The following EPB41L4B variants were observed in gnomAD, a reference collection of about 807,000 sequenced individuals.
EPB41L4B encodes the protein erythrocyte membrane protein band 4.1 like 4B.
In EPB41L4B, 30 loss-of-function variants were observed where a neutral mutation model predicts 112.5. That is an observed-to-expected ratio of 0.27 (90% CI 0.20 to 0.36). EPB41L4B has a LOEUF of 0.36. Ranked by LOEUF, EPB41L4B falls within the 10% of genes least tolerant of loss-of-function variation. EPB41L4B has a pLI of 1.00. For missense variants in EPB41L4B, 1,024 were observed against 1,133.3 expected, an observed-to-expected ratio of 0.90 and a Z score of 1.38; for synonymous variants, 408 against 439.7, an observed-to-expected ratio of 0.93 and a Z score of 0.90.
At chr9:109,201,508 G>A (rs979418551) in intron 19 of EPB41L4B, among the ~76,000 whole-genome samples, 1 of 149,468 alleles carries the variant, frequency 6.7e-6, no homozygotes, top group Non-Finnish European at 1.5e-5. Context: ...TGAGAAAATA[G>A]AGGATTTGAG....
chr9:109,216,659 AAAAG>A (rs1201498071), intron 16 of EPB41L4B, among the ~76,000 whole-genome samples: 7 of 151,506 alleles, frequency 4.6e-5, no homozygotes, highest in Non-Finnish European at 8.8e-5. Context: ...AAAAAAAAAA[AAAAG>A]AAAAGAAAAA....
chr9:109,290,728 TAC>T (rs1039340336), intron 1 of EPB41L4B, among the ~76,000 whole-genome samples: 4 of 137,108 alleles, frequency 2.9e-5, no homozygotes, highest in East Asian at 2.0e-4. Context: ...TATATATATA[TAC>T]ACACACACAC....
intron 15 of EPB41L4B, among the ~76,000 whole-genome samples, chr9:109,226,814 C>CATATATATATGAAGA (rs1554750252): frequency 4.2e-5 from 6 of 144,438 alleles, no homozygotes; most frequent in Admixed American, 2.8e-4. Context: ...ATATGAAGAA[C>CATATATATATGAAGA]ATATATATAT....
Position 109,235,390 on chromosome 9 carries a change from CTTTTTTTTTT to C in EPB41L4B, c.1409+8218_1409+8227del, listed in dbSNP as rs758330838. 8.0e-5 allele frequency among the ~76,000 whole-genome samples: 7 copies of C among 87,252 alleles called. No homozygotes were observed. The East Asian group carries it at 2.6e-3, about 32-fold the overall frequency. The allele number at this position is 87,252 out of a possible 152,430, so 57.2% of individuals were successfully genotyped here. A position where few individuals can be genotyped will look rare whatever the true frequency, so the allele number is the denominator to read the frequency against. On this transcript the variant is annotated intron_variant, in intron 15 of 25. Transcript: ENST00000374566. ...TAGAAATACCATTTCTTCAGCTAGA[CTTTTTTTTTT>C]TTTTTTTTTTTTTTAGATAGAGTCT...
chr9:109,288,615 C>T (rs1040707431), intron 1 of EPB41L4B, among the ~76,000 whole-genome samples: 1 of 148,538 alleles, frequency 6.7e-6, no homozygotes, highest in Non-Finnish European at 1.5e-5. Flanking sequence ...CCCAGCTACT[C>T]GGGAGGCTGA....
At chr9:109,291,655 G>A (rs1836537288) in intron 1 of EPB41L4B, among the ~76,000 whole-genome samples, 1 of 152,114 alleles carries the variant, frequency 6.6e-6, no homozygotes, top group South Asian at 2.1e-4. Flanking sequence ...CCTTAATTTT[G>A]ATCAACAAGG....
intron 15 of EPB41L4B, among the ~76,000 whole-genome samples, chr9:109,219,607 G>A (rs987042784): frequency 4.6e-5 from 7 of 151,988 alleles, no homozygotes; most frequent in Non-Finnish European, 1.0e-4. Context: ...TGATCCACCC[G>A]CCTCCCAAAG....
chr9:109,251,543 T>C, intron 12 of EPB41L4B, 32 bp from the exon 13 acceptor site: 1 of 1,604,044 alleles, frequency 6.2e-7, no homozygotes, highest in Non-Finnish European at 8.5e-7. Context: ...TTATGACATC[T>C]TAGAGAACTT....
chr9:109,217,280 AG>A, intron 15 of EPB41L4B, 135 bp from the exon 16 acceptor site: 1 of 710,196 alleles, frequency 1.4e-6, no homozygotes, highest in South Asian at 1.9e-5. Context: ...GTTATTATAA[AG>A]TATATACAAT....
At chr9:109,188,700 G>A (rs752673466) in intron 22 of EPB41L4B, among the ~76,000 whole-genome samples, 1 of 152,038 alleles carries the variant, frequency 6.6e-6, no homozygotes, top group Non-Finnish European at 1.5e-5. Flanking sequence ...CCTAACCCAG[G>A]GCCTGTTCCA....
At chr9:109,213,166 T>C (rs1172593905) in intron 17 of EPB41L4B, among the ~76,000 whole-genome samples, 1 of 152,212 alleles carries the variant, frequency 6.6e-6, no homozygotes, top group Admixed American at 6.5e-5. Flanking sequence ...TTGAACTAAA[T>C]GGCAGACTGA....
At chr9:109,255,967 G>T in intron 9 of EPB41L4B, 124 bp from the exon 10 acceptor site, 1 of 1,225,898 alleles carries the variant, frequency 8.2e-7, no homozygotes, top group Non-Finnish European at 1.1e-6. Context: ...TCATCCAAGT[G>T]TGATTATCCA....
At chr9:109,273,489 C>G (rs937329394) in intron 2 of EPB41L4B, among the ~76,000 whole-genome samples, 1 of 152,146 alleles carries the variant, frequency 6.6e-6, no homozygotes, top group Non-Finnish European at 1.5e-5. Flanking sequence ...TCAGGTGATC[C>G]ACCTGCCTTG....
At chr9:109,180,248 A>G (rs1440260309) in intron 24 of EPB41L4B, among the ~76,000 whole-genome samples, 1 of 152,112 alleles carries the variant, frequency 6.6e-6, no homozygotes, top group Non-Finnish European at 1.5e-5. Context: ...TCAGTTCTTA[A>G]AAGTCCCAGC....
chr9:109,236,567 G>A (rs1431455864), intron 15 of EPB41L4B, among the ~76,000 whole-genome samples: 1 of 152,186 alleles, frequency 6.6e-6, no homozygotes, highest in African/African-American at 2.4e-5. Context: ...CTGCTAAAAT[G>A]CAGGATCTTG....
At chr9:109,226,658 A>G (rs1436296071) in intron 15 of EPB41L4B, among the ~76,000 whole-genome samples, 1 of 93,900 alleles carries the variant, frequency 1.1e-5, no homozygotes, top group African/African-American at 3.5e-5. Context: ...TGAAGAATAT[A>G]TATATGAAGA....
intron 24 of EPB41L4B, among the ~76,000 whole-genome samples, chr9:109,179,594 T>C (rs1234335177): frequency 6.6e-6 from 1 of 152,150 alleles, no homozygotes; most frequent in African/African-American, 2.4e-5. Context: ...TTCAAAGGCA[T>C]TTCTAATCCA....
chr9:109,277,688 G>A (rs1835886900), intron 2 of EPB41L4B, among the ~76,000 whole-genome samples: 1 of 152,214 alleles, frequency 6.6e-6, no homozygotes, highest in Admixed American at 6.5e-5. Context: ...CAGTCACGGG[G>A]GCAGGAGAAT....
intron 13 of EPB41L4B, among the ~76,000 whole-genome samples, chr9:109,251,175 C>T (rs1176271701): frequency 1.3e-5 from 2 of 152,264 alleles, no homozygotes; most frequent in East Asian, 1.9e-4. Flanking sequence ...CACTGCCTGC[C>T]ACGCCATGAG....
Sources: gnomAD v4.1 joint callset for allele counts (sites outside exome capture counted in the v4.1 genomes callset) on GRCh38, gnomAD v4.1.1 for gene constraint, MANE v1.5 for transcripts, NCBI Gene and HGNC (gene_info 2026-07-23, HGNC 2026-07-21) for gene names.